Variants in DOCK1 observed in about 807,000 individuals in gnomAD.
The protein encoded by DOCK1 is dedicator of cytokinesis 1, also known as dedicator of cytokinesis protein 1.
DOCK1 carries 138 observed loss-of-function variants against 262.7 expected under a neutral mutation model. That is an observed-to-expected ratio of 0.53 (90% CI 0.46 to 0.61). The LOEUF is 0.61. Ranked by LOEUF, DOCK1 falls within the 20% of genes least tolerant of loss-of-function variation. The pLI, the probability that DOCK1 is intolerant of heterozygous loss-of-function variation, is 0.00. For missense variants in DOCK1, 1,908 were observed against 2,370.7 expected, an observed-to-expected ratio of 0.80 and a Z score of 4.05; for synonymous variants, 866 against 867.4, an observed-to-expected ratio of 1.00 and a Z score of 0.03.
chr10:126,975,259 A>G (rs1292057958), intron 2 of DOCK1, among the ~76,000 whole-genome samples: 1 of 152,096 alleles, frequency 6.6e-6, no homozygotes, highest in East Asian at 1.9e-4. Context: ...ATGAGCACTT[A>G]GGTTGTCCCC....
At position 126,939,652 on chromosome 10, in the gene DOCK1, C is replaced by T. The variant is rs1043538777; in HGVS notation, c.47-31050C>T. 5.9e-5 allele frequency among the ~76,000 whole-genome samples: 9 copies of T among 152,258 alleles called. No individual in the cohort carries two copies. In the South Asian group the frequency reaches 6.2e-4, roughly 11 times the overall value. On this transcript the variant is annotated intron_variant, in intron 1 of 51. Coordinates refer to ENST00000623213, the MANE Select transcript of DOCK1 (RefSeq NM_001290223.2). ...CTGGGATTACAGGCGTGAGCCACCG[C>T]GCCTGACCCAAAATACCTATTTTAG... is the stretch of plus-strand genomic sequence containing the variant.
At chr10:127,152,009 A>G (rs574686033) in intron 27 of DOCK1, among the ~76,000 whole-genome samples, 11 of 7,010 alleles carry the variant, frequency 1.6e-3, no homozygotes, top group African/African-American at 1.9e-3. Flanking sequence ...AACAGTGTTC[A>G]CATATATATA....
At chr10:127,072,319 A>G (rs1025217318) in intron 23 of DOCK1, among the ~76,000 whole-genome samples, 1 of 152,174 alleles carries the variant, frequency 6.6e-6, no homozygotes, top group African/African-American at 2.4e-5. Context: ...TACAGCACCA[A>G]TCACACAGAT....
chr10:127,368,147 C>T (rs893188327), intron 33 of DOCK1, among the ~76,000 whole-genome samples: 9 of 152,206 alleles, frequency 5.9e-5, no homozygotes, highest in African/African-American at 2.2e-4. Context: ...CATCAGAGAC[C>T]TTCCGTCTGG....
chr10:127,113,222 T>C (rs546390053), intron 25 of DOCK1, among the ~76,000 whole-genome samples: 2 of 152,180 alleles, frequency 1.3e-5, no homozygotes, highest in South Asian at 4.1e-4. Context: ...TCTCTTTGTG[T>C]TCAGATTTCT....
chr10:127,427,348 G>T (rs1022373390), intron 47 of DOCK1, among the ~76,000 whole-genome samples: 1 of 152,150 alleles, frequency 6.6e-6, no homozygotes, highest in African/African-American at 2.4e-5. Context: ...GCCCAGGGCC[G>T]CCTGTCCACC....
chr10:127,027,531 A>G, intron 16 of DOCK1, among the ~76,000 whole-genome samples: 1 of 152,194 alleles, frequency 6.6e-6, no homozygotes, highest in East Asian at 1.9e-4. Context: ...GGTTGCAGTG[A>G]GCTGTGATTG....
chr10:127,352,406 A>G (rs1215438044), intron 31 of DOCK1, among the ~76,000 whole-genome samples: 2 of 152,096 alleles, frequency 1.3e-5, no homozygotes, highest in African/African-American at 4.8e-5. Flanking sequence ...AAACACAGCA[A>G]GTCACTCCTG....
At chr10:126,917,435 G>A (rs1233738758) in intron 1 of DOCK1, among the ~76,000 whole-genome samples, 1 of 152,138 alleles carries the variant, frequency 6.6e-6, no homozygotes, top group African/African-American at 2.4e-5. Flanking sequence ...GACTGTGGGT[G>A]CCTGCAGCCA....
At chr10:127,248,842 G>T (rs935990683) in intron 28 of DOCK1, among the ~76,000 whole-genome samples, 1 of 152,194 alleles carries the variant, frequency 6.6e-6, no homozygotes. Flanking sequence ...GGGCAAGGGA[G>T]CATTAGTGCC....
chr10:127,260,729 G>A (rs1019245857), intron 29 of DOCK1, among the ~76,000 whole-genome samples: 17 of 148,902 alleles, frequency 1.1e-4, no homozygotes, highest in African/African-American at 4.3e-4. Flanking sequence ...GCATGTGTGT[G>A]CGTGTGGGTG....
At chr10:126,926,677 G>T (rs796194803) in intron 1 of DOCK1, among the ~76,000 whole-genome samples, 4 of 152,170 alleles carry the variant, frequency 2.6e-5, no homozygotes, top group African/African-American at 7.2e-5. Context: ...AATATGCCTG[G>T]TGTCCTTGTT....
chr10:127,021,331 A>G (rs890175103), intron 13 of DOCK1, among the ~76,000 whole-genome samples: 1 of 151,982 alleles, frequency 6.6e-6, no homozygotes, highest in Non-Finnish European at 1.5e-5. Flanking sequence ...ATGCCTGGCT[A>G]ATCTTTTTAT....
chr10:127,327,370 TC>T (rs1412410273), intron 29 of DOCK1, among the ~76,000 whole-genome samples: 2 of 152,232 alleles, frequency 1.3e-5, no homozygotes, highest in Non-Finnish European at 2.9e-5. Context: ...ATCAGCACTT[TC>T]TGTTCACCTT....
intron 29 of DOCK1, among the ~76,000 whole-genome samples, chr10:127,313,384 A>G (rs1019056377): frequency 4.6e-5 from 7 of 152,224 alleles, no homozygotes; most frequent in Non-Finnish European, 7.3e-5. Context: ...GACAATAGAT[A>G]TCACTGCTTG....
chr10:126,923,517 G>A lies in DOCK1; in HGVS notation c.46+17954G>A, dbSNP rs1400677344. On this transcript the variant is annotated intron_variant, in intron 1 of 51. Transcript: ENST00000623213. Reference sequence around the variant, plus strand: ...CAGGTGCCTGTAATCCCAGGTACTCGGGAGGCTGAGGCAGGAGAATCGCTT... The same window carrying A: ...CAGGTGCCTGTAATCCCAGGTACTCAGGAGGCTGAGGCAGGAGAATCGCTT... Among the ~76,000 whole-genome samples, 7 of 152,050 alleles carry A rather than the reference G, an allele frequency of 4.6e-5. No homozygotes were observed. The South Asian group carries it at 6.2e-4, about 14-fold the overall frequency.
chr10:127,047,600 G>C (rs1360270879), intron 21 of DOCK1, among the ~76,000 whole-genome samples: 1 of 146,674 alleles, frequency 6.8e-6, no homozygotes, highest in Admixed American at 6.9e-5. Flanking sequence ...TATACCCTTG[G>C]AACTACTGCC....
chr10:127,137,733 G>C, intron 27 of DOCK1: 1 of 1,084,686 alleles, frequency 9.2e-7, no homozygotes, highest in South Asian at 1.7e-5. Flanking sequence ...GGAGGTGCCT[G>C]AATGGGCACC....
At chr10:127,348,642 G>A (rs2063749560) in intron 31 of DOCK1, among the ~76,000 whole-genome samples, 1 of 152,098 alleles carries the variant, frequency 6.6e-6, no homozygotes. Flanking sequence ...TGGCGGGGTG[G>A]GTGGGTTGTT....
Sources: gnomAD v4.1 joint callset for allele counts (sites outside exome capture counted in the v4.1 genomes callset) on GRCh38, gnomAD v4.1.1 for gene constraint, MANE v1.5 for transcripts, NCBI Gene and HGNC (gene_info 2026-07-23, HGNC 2026-07-21) for gene names.